ZNF732: variants seen among roughly 807,000 people sequenced by gnomAD.
ZNF732 encodes the protein zinc finger protein LOC654254.
ZNF732 carries 12 observed loss-of-function variants against 11.5 expected under a neutral mutation model. That is an observed-to-expected ratio of 1.05 (90% CI 0.67 to 1.70). ZNF732 has a LOEUF of 1.70. Ranked by LOEUF, ZNF732 falls within the 40% of genes most tolerant of loss-of-function variation. The probability of loss-of-function intolerance (pLI) is 0.00; values close to 1 mark genes in which losing one functional copy is unlikely to be tolerated. For missense variants in ZNF732, 702 were observed against 676.9 expected (o/e 1.04, Z -0.41); for synonymous variants, 231 against 236.5 (o/e 0.98, Z 0.21).
intron 3 of ZNF732, among the ~76,000 whole-genome samples, chr4:274,766 A>C (rs1719457715): frequency 6.6e-6 from 1 of 151,714 alleles, no homozygotes; most frequent in African/African-American, 2.4e-5. Flanking sequence ...ATTTCATAAA[A>C]TATACTTTAA....
At chr4:285,835 G>A (rs555797949) in intron 3 of ZNF732, among the ~76,000 whole-genome samples, 1 of 152,296 alleles carries the variant, frequency 6.6e-6, no homozygotes, top group South Asian at 2.1e-4. Context: ...AACCTCCCAG[G>A]GTTCAAGCGA....
intron 3 of ZNF732, among the ~76,000 whole-genome samples, chr4:291,376 T>C (rs1020414020): frequency 1.1e-4 from 17 of 152,214 alleles, no homozygotes; most frequent in African/African-American, 4.1e-4. Context: ...CCAATATACC[T>C]AGCCCAACAT....
chr4:294,967 A>G (rs2108659186), intron 3 of ZNF732, among the ~76,000 whole-genome samples: 1 of 152,350 alleles, frequency 6.6e-6, no homozygotes, highest in South Asian at 2.1e-4. Flanking sequence ...TGCAACCTCT[A>G]TAGGATTAAA....
chr4:280,392 C>T (rs1719597501), intron 3 of ZNF732, among the ~76,000 whole-genome samples: 1 of 151,054 alleles, frequency 6.6e-6, no homozygotes, highest in Admixed American at 6.6e-5. Context: ...GAGTTCGAGA[C>T]CAGCCTGACC....
chr4:297,334 A>G (rs1414912099), intron 1 of ZNF732, among the ~76,000 whole-genome samples: 1 of 151,552 alleles, frequency 6.6e-6, no homozygotes, highest in African/African-American at 2.4e-5. Context: ...AGCATGTACT[A>G]TGTGCTCAGG....
At chr4:299,214 A>C (rs1474440774) in intron 1 of ZNF732, among the ~76,000 whole-genome samples, 2 of 151,766 alleles carry the variant, frequency 1.3e-5, no homozygotes, top group Non-Finnish European at 2.9e-5. Flanking sequence ...ATTCTAAAGA[A>C]TATTTTGACC....
At chr4:275,756 TAAAC>T (rs1414338234) in intron 3 of ZNF732, among the ~76,000 whole-genome samples, 3 of 150,166 alleles carry the variant, frequency 2.0e-5, no homozygotes, top group Admixed American at 1.3e-4. Context: ...AAGCAAAAAA[TAAAC>T]AAGTACAATA....
At position 283,042 on chromosome 4, in the gene ZNF732, G is replaced by A. The variant is rs368636426; in HGVS notation, c.227-10412C>T. On this transcript the variant is annotated intron_variant, in intron 3 of 3. Coordinates refer to ENST00000419098, the MANE Select transcript of ZNF732 (RefSeq NM_001137608.3). ...CCCCCTCCAAAATTCATGTTAAAAT[G>A]TAACTGCCATTGTGAGAAAATTAAT... 2.0e-4 allele frequency among the ~76,000 whole-genome samples: 31 copies of A among 152,264 alleles called. No homozygotes were observed. In the East Asian group the frequency reaches 6.0e-3, roughly 29 times the overall value.
chr4:276,858 A>AG lies in ZNF732; in HGVS notation c.227-4229dup, dbSNP rs782163287. ...CCCCCAAATAGCAAAAGTAATCCTA[A>AG]GGGGGGGACAAAAAAAAACAGCTGG... On this transcript the variant is annotated intron_variant, in intron 3 of 3. Transcript: ENST00000419098. Among the ~76,000 whole-genome samples the AG allele has an allele frequency of 1.7e-4, 26 of 151,750 alleles. 1 individual carries two copies. The Middle Eastern group carries it at 0.014, about 80-fold the overall frequency.
rs1560155670 is a variant in ZNF732 at position 272,143 on chromosome 4, A to C, written c.714T>G (p.Phe238Leu). The C allele has an allele frequency of 3.1e-6, 5 of 1,613,196 alleles. No individual in the cohort carries two copies. Among genetic ancestry groups the C allele is most frequent in the Non-Finnish European group, 3.4e-6 (4 of 1,179,586 alleles). Residue 238 changes from phenylalanine to leucine, a missense_variant, in exon 4 of 4, where the codon TTT becomes TTG. Physicochemically the swap from Phe to Leu is conservative, Grantham distance 22 (BLOSUM62 0). Transcript: ENST00000419098. ...CGNIFTTSSN[F>L]AKHKVHTGEK... ...CTCCAGTATGAACTTTATGTTTAGC[A>C]AAGTTTGAGGATGTGGTAAAGATGT...
intron 3 of ZNF732, among the ~76,000 whole-genome samples, chr4:273,187 C>T (rs1277736500): frequency 6.6e-6 from 1 of 151,946 alleles, no homozygotes; most frequent in Non-Finnish European, 1.5e-5. Flanking sequence ...ATTAAAGACT[C>T]TTAAGAGGAA....
intron 3 of ZNF732, among the ~76,000 whole-genome samples, chr4:286,262 C>CTA (rs1719728840): frequency 6.6e-6 from 1 of 152,090 alleles, no homozygotes; most frequent in South Asian, 2.1e-4. Flanking sequence ...AATTATGAAG[C>CTA]TATAGTTATT....
rs1553843110 is a variant in ZNF732, at chr4:299,389, ATGT to A, written c.4-3237_4-3235del. Among the ~76,000 whole-genome samples the A allele has an allele frequency of 7.0e-5, 6 of 85,958 alleles. 1 individual carries two copies. The highest frequency in any genetic ancestry group is 2.1e-4 in the African/African-American group (6 of 28,356). 56.4% of individuals were successfully genotyped at this position (85,958 alleles called of 152,430 possible). A position where few individuals can be genotyped will look rare whatever the true frequency, so the allele number is the denominator to read the frequency against. On this transcript the variant is annotated intron_variant, in intron 1 of 3. Transcript: ENST00000419098. ...CATATGTGTATATATATATACACAT[ATGT>A]ACACATATGTGTATATATATATACA...
intron 3 of ZNF732, among the ~76,000 whole-genome samples, chr4:291,381 C>A (rs1719840653): frequency 6.6e-6 from 1 of 151,958 alleles, no homozygotes; most frequent in South Asian, 2.1e-4. Flanking sequence ...ATACCTAGCC[C>A]AACATACAAA....
At chr4:304,520 C>T (rs1425641113) in intron 1 of ZNF732, among the ~76,000 whole-genome samples, 1 of 152,118 alleles carries the variant, frequency 6.6e-6, no homozygotes, top group Non-Finnish European at 1.5e-5. Flanking sequence ...ACGACACCAC[C>T]CAGAGTCAGC....
At position 305,383 on chromosome 4, in the gene ZNF732, G is replaced by A. The variant is rs2108663928; in HGVS notation, c.-73C>T. ...TACCCGCAGGTCACAGAGCGACGGA[G>A]GCTGAGGCTGTGACCGAATCACCGA... On this transcript the variant is annotated 5_prime_UTR_variant, in exon 1 of 4. Coordinates refer to ENST00000419098, the MANE Select transcript of ZNF732 (RefSeq NM_001137608.3). 3.8e-6 allele frequency: 6 copies of A among 1,595,064 alleles called. No individual in the cohort carries two copies. Among genetic ancestry groups the A allele is most frequent in the South Asian group, 1.1e-5 (1 of 90,806 alleles).
chr4:272,146 G>A lies in ZNF732; in HGVS notation c.711C>T (p.Asn237=), dbSNP rs962862424. The A allele has an allele frequency of 3.7e-6, 6 of 1,612,500 alleles. No individual in the cohort carries two copies. Among genetic ancestry groups the A allele is most frequent in the Non-Finnish European group, 4.2e-6 (5 of 1,179,482 alleles). Reference sequence around the variant, plus strand: ...CAGTATGAACTTTATGTTTAGCAAAGTTTGAGGATGTGGTAAAGATGTTGC... The same window carrying A: ...CAGTATGAACTTTATGTTTAGCAAAATTTGAGGATGTGGTAAAGATGTTGC... ...ECGNIFTTSS[N]FAKHKVHTGE... Residue 237 remains asparagine, a synonymous_variant, in exon 4 of 4, where the codon AAC becomes AAT. Transcript: ENST00000419098.
Position 305,458 on chromosome 4 carries a change from A to C in ZNF732, c.-148T>G. On this transcript the variant is annotated 5_prime_UTR_variant, in exon 1 of 4. Transcript: ENST00000419098. ...GGCCGTGGAGACCCTAACCGAGCTC[A>C]CGCTGGCGCAAAAGGCAAAAGCCGC... 5 of 1,166,724 alleles carry C rather than the reference A, an allele frequency of 4.3e-6. No homozygotes were observed. The highest frequency in any genetic ancestry group is 3.6e-6 in the Non-Finnish European group (3 of 838,926). The allele number at this position is 1,166,724 out of a possible 1,614,324, so 72.3% of individuals were successfully genotyped here. A position where few individuals can be genotyped will look rare whatever the true frequency, so the allele number is the denominator to read the frequency against.
chr4:297,114 A>C (rs569939116), intron 1 of ZNF732, among the ~76,000 whole-genome samples: 1 of 152,268 alleles, frequency 6.6e-6, no homozygotes, highest in African/African-American at 2.4e-5. Flanking sequence ...CTAAAAATAC[A>C]AAAATTAACC....
Sources: gnomAD v4.1 joint callset for allele counts (sites outside exome capture counted in the v4.1 genomes callset) on GRCh38, gnomAD v4.1.1 for gene constraint, MANE v1.5 for transcripts, NCBI Gene and HGNC (gene_info 2026-07-23, HGNC 2026-07-21) for gene names.